ARHGAP42: variants seen among roughly 807,000 people sequenced by gnomAD.
ARHGAP42 encodes the protein rho GTPase-activating protein 42.
Under a neutral mutation model 125.0 loss-of-function variants are expected in ARHGAP42, and 63 were observed. That is an observed-to-expected ratio of 0.50 (90% CI 0.41 to 0.62). The LOEUF (loss-of-function observed/expected upper bound fraction) is 0.62. Among genes scored for constraint, ARHGAP42 ranks in the 20% least tolerant of loss-of-function variants. ARHGAP42 has a pLI of 0.00. For synonymous variants in ARHGAP42, 339 were observed against 351.0 expected (o/e 0.97, Z 0.38); for missense variants, 766 against 1,024.2 (o/e 0.75, Z 3.44).
chr11:100,986,904 G>A (rs1197826845), intron 22 of ARHGAP42, among the ~76,000 whole-genome samples: 1 of 152,066 alleles, frequency 6.6e-6, no homozygotes, highest in South Asian at 2.1e-4. Context: ...AGTGACAGAG[G>A]TTGGGAGCTG....
chr11:100,843,345 A>T (rs1864985501), intron 3 of ARHGAP42, among the ~76,000 whole-genome samples: 1 of 152,046 alleles, frequency 6.6e-6, no homozygotes. Flanking sequence ...ACAAAAAAAA[A>T]GTCCAGGAAC....
chr11:100,727,140 C>G (rs564695370), intron 1 of ARHGAP42, among the ~76,000 whole-genome samples: 2 of 152,264 alleles, frequency 1.3e-5, no homozygotes, highest in East Asian at 3.9e-4. Flanking sequence ...TGAAGTTTTT[C>G]TTTTTCTAAT....
At chr11:100,726,203 T>A (rs939522721) in intron 1 of ARHGAP42, among the ~76,000 whole-genome samples, 58 of 152,078 alleles carry the variant, frequency 3.8e-4, no homozygotes, top group African/African-American at 1.3e-3. Context: ...AAAGAAGAGA[T>A]GTAACGAGCA....
chr11:100,701,133 G>A (rs906172490), intron 1 of ARHGAP42, among the ~76,000 whole-genome samples: 3 of 150,464 alleles, frequency 2.0e-5, no homozygotes, highest in African/African-American at 7.3e-5. Context: ...CAGTAATATT[G>A]TAAAATGAAC....
chr11:100,815,023 C>T (rs1367679006), intron 3 of ARHGAP42, among the ~76,000 whole-genome samples: 1 of 152,226 alleles, frequency 6.6e-6, no homozygotes, highest in Non-Finnish European at 1.5e-5. Flanking sequence ...CTTGGGCCCT[C>T]TAAAACAAGT....
At chr11:100,911,166 A>G (rs151014212) in intron 4 of ARHGAP42, among the ~76,000 whole-genome samples, 408 of 152,258 alleles carry the variant, frequency 2.7e-3, no homozygotes, top group African/African-American at 8.0e-3. Flanking sequence ...AGTGGATTTG[A>G]GTTAGGACTG....
At chr11:100,714,312 C>T (rs1196871457) in intron 1 of ARHGAP42, among the ~76,000 whole-genome samples, 3 of 152,080 alleles carry the variant, frequency 2.0e-5, no homozygotes, top group African/African-American at 7.2e-5. Context: ...CCTAATTCTA[C>T]TAAACTTTAT....
Position 100,976,295 on chromosome 11 carries a change from A to G in ARHGAP42, c.2094A>G (p.Glu698=). ...AAGATGCAACCAAGACAGATGCAGAATCAGACTGCCAGAGTGTTGCTTCAG... is the reference window on the plus strand; with the variant it reads ...AAGATGCAACCAAGACAGATGCAGAGTCAGACTGCCAGAGTGTTGCTTCAG... ...SREDATKTDA[E]SDCQSVASVT... is the part of the protein sequence containing the mutation. Residue 698 remains glutamate (E), a synonymous_variant, in exon 20 of 24, where the codon GAA becomes GAG. Coordinates refer to ENST00000298815, the MANE Select transcript of ARHGAP42 (RefSeq NM_152432.4). 1 of 1,551,794 alleles carries G rather than the reference A, an allele frequency of 6.4e-7. No individual in the cohort carries two copies. Among genetic ancestry groups the G allele is most frequent in the Non-Finnish European group, 8.7e-7 (1 of 1,146,916 alleles).
chr11:100,901,386 G>A (rs1255466711), intron 4 of ARHGAP42, among the ~76,000 whole-genome samples: 1 of 152,214 alleles, frequency 6.6e-6, no homozygotes, highest in African/African-American at 2.4e-5. Flanking sequence ...ACTTGAGGAG[G>A]CAGTCTGTCT....
In ARHGAP42 at chr11:100,779,441, G is replaced by A. The variant is rs550848506; in HGVS notation, c.250+9003G>A. 6.5e-3 allele frequency among the ~76,000 whole-genome samples: 518 copies of A among 79,296 alleles called. 10 individuals are homozygous for A. The highest frequency in any genetic ancestry group is 8.8e-3 in the Non-Finnish European group (391 of 44,640). The allele number at this position is 79,296 out of a possible 152,430, so 52.0% of individuals were successfully genotyped here. A position where few individuals can be genotyped will look rare whatever the true frequency, so the allele number is the denominator to read the frequency against. On this transcript the variant is annotated intron_variant, in intron 2 of 23. Transcript: ENST00000298815. ...GCCTGGGCAACAAGAGCGAGACTGC[G>A]TCTCAAAAAAAAAAAAAAAAAAAAA...
At chr11:100,964,865 T>C (rs1858050181) in intron 16 of ARHGAP42, among the ~76,000 whole-genome samples, 1 of 152,182 alleles carries the variant, frequency 6.6e-6, no homozygotes, top group African/African-American at 2.4e-5. Context: ...GAGAGGAATC[T>C]GGGGCTTCAT....
intron 4 of ARHGAP42, among the ~76,000 whole-genome samples, chr11:100,860,080 G>A (rs1865412065): frequency 6.6e-6 from 1 of 151,884 alleles, no homozygotes; most frequent in Non-Finnish European, 1.5e-5. Flanking sequence ...ATTGACTATG[G>A]ACCAATTAAA....
At chr11:100,881,549 T>A (rs1432821893) in intron 4 of ARHGAP42, among the ~76,000 whole-genome samples, 1 of 152,202 alleles carries the variant, frequency 6.6e-6, no homozygotes, top group Non-Finnish European at 1.5e-5. Context: ...AGTCTTGGTT[T>A]GGCTATGTGG....
At chr11:100,764,751 G>A (rs1215401183) in intron 1 of ARHGAP42, among the ~76,000 whole-genome samples, 1 of 152,144 alleles carries the variant, frequency 6.6e-6, no homozygotes, top group Non-Finnish European at 1.5e-5. Flanking sequence ...GAAATTGATG[G>A]TTTCAACAAA....
intron 1 of ARHGAP42, among the ~76,000 whole-genome samples, chr11:100,711,646 C>T (rs1264170079): frequency 6.6e-6 from 1 of 152,262 alleles, no homozygotes; most frequent in Non-Finnish European, 1.5e-5. Flanking sequence ...GCGTGAGCCA[C>T]TGTGCCCAGC....
rs528958197 is a variant in ARHGAP42 at position 100,754,934 on chromosome 11, A to C, written c.155-15409A>C. Among the ~76,000 whole-genome samples the C allele has an allele frequency of 9.8e-5, 15 of 152,344 alleles. No homozygotes were observed. In the South Asian group the frequency reaches 3.1e-3, roughly 32 times the overall value. On this transcript the variant is annotated intron_variant, in intron 1 of 23. Coordinates refer to ENST00000298815, the MANE Select transcript of ARHGAP42 (RefSeq NM_152432.4). Reference sequence around the variant, plus strand: ...TTCCACTATAGGATATACATATCTTAAGAAGACCACTATTGGAGGACTTTA... The same window carrying C: ...TTCCACTATAGGATATACATATCTTCAGAAGACCACTATTGGAGGACTTTA...
chr11:100,884,220 T>C (rs1306118835), intron 4 of ARHGAP42, among the ~76,000 whole-genome samples: 2 of 152,176 alleles, frequency 1.3e-5, no homozygotes, highest in Admixed American at 6.6e-5. Flanking sequence ...AGTCACTGAG[T>C]TGCTCAAGTT....
intron 6 of ARHGAP42, among the ~76,000 whole-genome samples, chr11:100,923,254 G>A (rs1283514243): frequency 1.3e-5 from 2 of 152,124 alleles, no homozygotes; most frequent in Non-Finnish European, 2.9e-5. Flanking sequence ...TGCACCTTGG[G>A]ATTTTTGAAT....
chr11:100,978,861 C>T (rs566952148), intron 21 of ARHGAP42, 126 bp from the exon 22 acceptor site: 7 of 829,512 alleles, frequency 8.4e-6, no homozygotes, highest in African/African-American at 6.9e-5. Flanking sequence ...ATTAAAATTC[C>T]CTTCTAATTT....
Sources: allele counts gnomAD v4.1 joint callset (sites outside exome capture counted in the v4.1 genomes callset), GRCh38; gene constraint gnomAD v4.1.1; transcripts MANE v1.5; gene names NCBI Gene and HGNC (gene_info 2026-07-23, HGNC 2026-07-21).